PRKAR1B: variants seen among roughly 807,000 people sequenced by gnomAD.
PRKAR1B encodes the protein protein kinase cAMP-dependent type I regulatory subunit beta, also known as cAMP-dependent protein kinase type I-beta regulatory subunit.
In PRKAR1B, 22 loss-of-function variants were observed where a neutral mutation model predicts 46.5. The observed-to-expected ratio is 0.47, with a 90% CI of 0.34 to 0.68. PRKAR1B has a LOEUF of 0.68. PRKAR1B is among the 30% of genes least tolerant of loss of function. The pLI is 0.01. For synonymous variants in PRKAR1B, 259 were observed against 217.7 expected (o/e 1.19, Z -1.67); for missense variants, 445 against 535.6 (o/e 0.83, Z 1.67).
At chr7:571,955 G>A (rs1779542452) in intron 9 of PRKAR1B, among the ~76,000 whole-genome samples, 1 of 152,214 alleles carries the variant, frequency 6.6e-6, no homozygotes, top group Non-Finnish European at 1.5e-5. Context: ...GAGCGAGCCG[G>A]GTGTCCGCCG....
chr7:626,106 T>C (rs935453746), intron 4 of PRKAR1B, among the ~76,000 whole-genome samples: 5 of 151,742 alleles, frequency 3.3e-5, no homozygotes, highest in African/African-American at 1.2e-4. Flanking sequence ...CACAATCTAC[T>C]AAAATTCACA....
chr7:632,912 A>C (rs1260915273), intron 4 of PRKAR1B, among the ~76,000 whole-genome samples: 2 of 152,186 alleles, frequency 1.3e-5, no homozygotes, highest in Non-Finnish European at 2.9e-5. Flanking sequence ...CTGGGGCCAC[A>C]CAGTGCCTGT....
chr7:627,463 C>A (rs907224276), intron 4 of PRKAR1B, among the ~76,000 whole-genome samples: 5 of 152,236 alleles, frequency 3.3e-5, no homozygotes, highest in East Asian at 3.9e-4. Context: ...ATGACTCCCC[C>A]ACGCCTGAGG....
chr7:579,414 C>A, intron 8 of PRKAR1B, 37 bp from the exon 9 acceptor site: 1 of 1,608,002 alleles, frequency 6.2e-7, no homozygotes, highest in Non-Finnish European at 8.5e-7. Flanking sequence ...ATCCCGGGGC[C>A]CACGCCCCCA....
At position 727,000 on chromosome 7, in the gene PRKAR1B, G is replaced by A. The variant is rs1048255936; in HGVS notation, c.-23+210C>T. Reference sequence around the variant, plus strand: ...GAGCGACCCCGCCGAGGGCTGCCGCGCGCTGGCAGTGCACCTGCTGGATCT... The same window carrying A: ...GAGCGACCCCGCCGAGGGCTGCCGCACGCTGGCAGTGCACCTGCTGGATCT... On this transcript the variant is annotated intron_variant, in intron 1 of 10. Coordinates refer to ENST00000537384, the MANE Select transcript of PRKAR1B (RefSeq NM_001164760.2). The A allele has an allele frequency of 5.8e-5, 73 of 1,251,896 alleles. No individual in the cohort carries two copies. Among genetic ancestry groups the A allele is most frequent in the Middle Eastern group, 3.2e-4 (1 of 3,156 alleles). 77.5% of individuals were successfully genotyped at this position (1,251,896 alleles called of 1,614,324 possible). A position where few individuals can be genotyped will look rare whatever the true frequency, so the allele number is the denominator to read the frequency against.
At chr7:677,909 A>G (rs1356124507) in intron 3 of PRKAR1B, among the ~76,000 whole-genome samples, 2 of 152,198 alleles carry the variant, frequency 1.3e-5, no homozygotes, top group Admixed American at 6.5e-5. Context: ...CTAGGCTACA[A>G]ATCTGTACAG....
intron 4 of PRKAR1B, among the ~76,000 whole-genome samples, chr7:618,005 C>CT (rs1284056841): frequency 6.6e-6 from 1 of 152,106 alleles, no homozygotes; most frequent in Admixed American, 6.5e-5. Flanking sequence ...GCCCCACCCA[C>CT]TTTCCCCCAC....
rs78947121 is a variant in PRKAR1B, at chr7:683,779, C to T, written c.178-3053G>A. Reference sequence around the variant, plus strand: ...TGCCAGGCACGGCACCCACTCCCCACGGAAGGGCAGCCTGGAGAGCTGCTT... The same window carrying T: ...TGCCAGGCACGGCACCCACTCCCCATGGAAGGGCAGCCTGGAGAGCTGCTT... On this transcript the variant is annotated intron_variant, in intron 2 of 10. Coordinates refer to ENST00000537384, the MANE Select transcript of PRKAR1B (RefSeq NM_001164760.2). Among the ~76,000 whole-genome samples, 44 of 152,344 alleles carry T rather than the reference C, an allele frequency of 2.9e-4. 1 individual carries two copies. The highest frequency in any genetic ancestry group is 8.7e-4 in the African/African-American group (36 of 41,588).
At chr7:641,815 TTATG>T (rs777316292) in intron 4 of PRKAR1B, among the ~76,000 whole-genome samples, 37 of 152,220 alleles carry the variant, frequency 2.4e-4, no homozygotes, top group South Asian at 6.2e-4. Flanking sequence ...CTCCATTTAT[TTATG>T]TATTTATTTA....
chr7:711,541 AC>A lies in PRKAR1B; in HGVS notation c.-22-15del. The A allele has an allele frequency of 6.2e-7, 1 of 1,606,092 alleles. No individual in the cohort carries two copies. The highest frequency in any genetic ancestry group is 8.5e-7 in the Non-Finnish European group (1 of 1,175,228). ...GCTGCTTCCTTCCTGTCCAGAAAACACACAGATCCCCAGGCCTGAGAGCTGC... is the reference window on the plus strand; with the variant it reads ...GCTGCTTCCTTCCTGTCCAGAAAACAACAGATCCCCAGGCCTGAGAGCTGC... On this transcript the variant is annotated splice_polypyrimidine_tract_variant and intron_variant, in intron 1 of 10. Transcript: ENST00000537384.
At chr7:641,535 C>T (rs1167187966) in intron 4 of PRKAR1B, among the ~76,000 whole-genome samples, 1 of 152,154 alleles carries the variant, frequency 6.6e-6, no homozygotes, top group African/African-American at 2.4e-5. Context: ...AAACTGAAAA[C>T]AACCCAGATG....
At chr7:679,100 TATAA>T in intron 3 of PRKAR1B, among the ~76,000 whole-genome samples, 1 of 152,300 alleles carries the variant, frequency 6.6e-6, no homozygotes, top group South Asian at 2.1e-4. Context: ...AAAAAATATA[TATAA>T]ATGTTTTGTT....
chr7:695,142 T>A (rs1200520174), intron 2 of PRKAR1B, among the ~76,000 whole-genome samples: 2 of 152,060 alleles, frequency 1.3e-5, no homozygotes, highest in African/African-American at 4.8e-5. Context: ...ATATAAACTG[T>A]CATGACCAGA....
intron 4 of PRKAR1B, among the ~76,000 whole-genome samples, chr7:647,948 C>A (rs1437062397): frequency 6.6e-6 from 1 of 151,420 alleles, no homozygotes; most frequent in Non-Finnish European, 1.5e-5. Context: ...AAGTTTGCGA[C>A]CAGCTCGAGC....
chr7:677,231 C>G lies in PRKAR1B; in HGVS notation c.438G>C (p.Arg146Ser). The change falls in exon 4 of 11, where the codon AGG becomes AGC. Residue 146 changes from arginine (R) to serine (S), a missense_variant and splice_region_variant. Arg to Ser is a moderately radical substitution (Grantham distance 110). Coordinates refer to ENST00000537384, the MANE Select transcript of PRKAR1B (RefSeq NM_001164760.2). Reference sequence around the variant, plus strand: ...GGGCAGGGGACGAGTCTGCCTACCTCCTCTCGTTGTCATCCAGGTGAGCGA... The same window carrying G: ...GGGCAGGGGACGAGTCTGCCTACCTGCTCTCGTTGTCATCCAGGTGAGCGA... Reference protein sequence around the residue: ...VLFAHLDDNERSDIFDAMFPV... With the variant: ...VLFAHLDDNESSDIFDAMFPV... 1.2e-6 allele frequency: 2 copies of G among 1,614,210 alleles called. No individual in the cohort carries two copies. Among genetic ancestry groups the G allele is most frequent in the Admixed American group, 1.7e-5 (1 of 60,034 alleles).
intron 6 of PRKAR1B, among the ~76,000 whole-genome samples, chr7:599,594 CTTT>C (rs1781477596): frequency 6.6e-6 from 1 of 152,228 alleles, no homozygotes; most frequent in Non-Finnish European, 1.5e-5. Flanking sequence ...AGCTTCTCTT[CTTT>C]TAAAAGAAAA....
chr7:637,477 GA>G (rs1784178030), intron 4 of PRKAR1B, among the ~76,000 whole-genome samples: 1 of 151,944 alleles, frequency 6.6e-6, no homozygotes, highest in Admixed American at 6.6e-5. Flanking sequence ...TAAACCTAAG[GA>G]AAAAATAAAA....
intron 9 of PRKAR1B, among the ~76,000 whole-genome samples, chr7:577,354 G>A (rs930650481): frequency 1.1e-4 from 16 of 152,180 alleles, no homozygotes; most frequent in Non-Finnish European, 1.9e-4. Context: ...CGGCGAGGAC[G>A]GGACCTTAAA....
At position 727,239 on chromosome 7, in the gene PRKAR1B, C is replaced by T. The variant is rs1032474247; in HGVS notation, c.-52G>A. 3 of 1,360,774 alleles carry T rather than the reference C, an allele frequency of 2.2e-6. No homozygotes were observed. Among genetic ancestry groups the T allele is most frequent in the Non-Finnish European group, 2.8e-6 (3 of 1,058,550 alleles). The allele number at this position is 1,360,774 out of a possible 1,614,324, so 84.3% of individuals were successfully genotyped here. A position where few individuals can be genotyped will look rare whatever the true frequency, so the allele number is the denominator to read the frequency against. On this transcript the variant is annotated 5_prime_UTR_variant, in exon 1 of 11. Coordinates refer to ENST00000537384, the MANE Select transcript of PRKAR1B (RefSeq NM_001164760.2). ...ACGACGCTCTGCGCGCGCTGCGCTG[C>T]TCCCTGCTCGACCCCTTCGCCGCCG...
Sources: gnomAD v4.1 joint callset for allele counts (sites outside exome capture counted in the v4.1 genomes callset) on GRCh38, gnomAD v4.1.1 for gene constraint, MANE v1.5 for transcripts, NCBI Gene and HGNC (gene_info 2026-07-23, HGNC 2026-07-21) for gene names.